The following ACYP2 variants were observed in gnomAD, a reference collection of about 807,000 sequenced individuals.
ACYP2 encodes the protein acylphosphatase 2, also known as acylphosphatase-2.
A neutral mutation model predicts 11.2 loss-of-function variants in ACYP2; 12 were observed. The observed-to-expected ratio is 1.08, with a 90% CI of 0.69 to 1.74. The LOEUF (loss-of-function observed/expected upper bound fraction) is 1.74. Ranked by LOEUF, ACYP2 falls within the 40% of genes most tolerant of loss-of-function variation. The pLI is 0.00. For missense variants in ACYP2, 134 were observed against 101.9 expected, an observed-to-expected ratio of 1.31 and a Z score of -1.35; for synonymous variants, 43 against 32.2, an observed-to-expected ratio of 1.33 and a Z score of -1.13.
chr2:53,978,924 A>C (rs1039021391), intron 2 of ACYP2, among the ~76,000 whole-genome samples: 2 of 152,194 alleles, frequency 1.3e-5, no homozygotes, highest in African/African-American at 4.8e-5. Context: ...CCTCATCTCA[A>C]ACTTAAAAAA....
At chr2:54,177,908 T>TA (rs1413534008) in intron 6 of ACYP2, among the ~76,000 whole-genome samples, 114 of 141,070 alleles carry the variant, frequency 8.1e-4, no homozygotes, top group Admixed American at 1.3e-3. Context: ...TTTCTTTATT[T>TA]TTTTTTTTTT....
intron 4 of ACYP2, among the ~76,000 whole-genome samples, chr2:54,121,766 G>T (rs2103742699): frequency 6.6e-6 from 1 of 152,282 alleles, no homozygotes; most frequent in Admixed American, 6.5e-5. Flanking sequence ...TAATCATTCT[G>T]CTTTCAGCTA....
chr2:54,282,638 A>T (rs1688899779), intron 6 of ACYP2, among the ~76,000 whole-genome samples: 2 of 152,206 alleles, frequency 1.3e-5, no homozygotes, highest in African/African-American at 4.8e-5. Context: ...GCCAACTACA[A>T]TGAACCACTC....
chr2:54,199,932 T>G (rs1028183839), intron 6 of ACYP2, among the ~76,000 whole-genome samples: 5 of 152,248 alleles, frequency 3.3e-5, no homozygotes, highest in African/African-American at 1.2e-4. Context: ...ATCCACCAAC[T>G]GTGTGCAGTG....
At chr2:54,120,620 T>C (rs1388677456) in intron 4 of ACYP2, among the ~76,000 whole-genome samples, 2 of 152,206 alleles carry the variant, frequency 1.3e-5, no homozygotes, top group African/African-American at 4.8e-5. Context: ...CCACGGCTAG[T>C]GGCACCTCTG....
chr2:54,234,555 G>A (rs1470603622), intron 6 of ACYP2, among the ~76,000 whole-genome samples: 1 of 152,234 alleles, frequency 6.6e-6, no homozygotes, highest in Non-Finnish European at 1.5e-5. Context: ...CCTACCAAGT[G>A]GAAAATTTGC....
At chr2:54,029,022 A>G (rs1465092722) in intron 2 of ACYP2, among the ~76,000 whole-genome samples, 1 of 152,106 alleles carries the variant, frequency 6.6e-6, no homozygotes, top group Non-Finnish European at 1.5e-5. Flanking sequence ...AAAATTAGCC[A>G]GGTATGGTGG....
chr2:54,137,340 G>A (rs777121045), intron 5 of ACYP2, among the ~76,000 whole-genome samples: 3 of 152,008 alleles, frequency 2.0e-5, no homozygotes, highest in African/African-American at 4.8e-5. Flanking sequence ...AGGTAAACTC[G>A]TGTCATGGGG....
At chr2:54,188,304 T>A (rs1684096865) in intron 6 of ACYP2, among the ~76,000 whole-genome samples, 1 of 152,114 alleles carries the variant, frequency 6.6e-6, no homozygotes, top group Non-Finnish European at 1.5e-5. Flanking sequence ...AACTAATACA[T>A]GGAGAAAAGA....
chr2:54,277,257 A>G, intron 6 of ACYP2, among the ~76,000 whole-genome samples: 1 of 152,214 alleles, frequency 6.6e-6, no homozygotes, highest in East Asian at 1.9e-4. Context: ...ATTCAGTGAC[A>G]AATAACTCTC....
chr2:54,218,453 A>G (rs1430659338), intron 6 of ACYP2, among the ~76,000 whole-genome samples: 1 of 152,228 alleles, frequency 6.6e-6, no homozygotes, highest in Admixed American at 6.5e-5. Flanking sequence ...AACAGGGATC[A>G]TATGTATTTA....
At chr2:54,304,027 T>C (rs1175071590) in intron 6 of ACYP2, among the ~76,000 whole-genome samples, 1 of 152,202 alleles carries the variant, frequency 6.6e-6, no homozygotes, top group East Asian at 1.9e-4. Context: ...AGATAAACCA[T>C]TGCACTAAAT....
Position 54,182,384 on chromosome 2 carries a change from C to T in ACYP2, c.404+43636C>T, listed in dbSNP as rs993058720. Among the ~76,000 whole-genome samples the T allele has an allele frequency of 3.9e-5, 6 of 152,006 alleles. No homozygotes were observed. In the East Asian group the frequency reaches 7.7e-4, roughly 20 times the overall value. On this transcript the variant is annotated intron_variant, in intron 6 of 6. Coordinates refer to ENST00000607452, the MANE Select transcript of ACYP2 (RefSeq NM_001320586.2). ...GTTGACAGAGTCTCACTCTGTTGCC[C>T]GGGCGGGAATACGGTTGCACAATCA...
chr2:54,009,702 G>C (rs1673260258), intron 2 of ACYP2, among the ~76,000 whole-genome samples: 1 of 152,160 alleles, frequency 6.6e-6, no homozygotes, highest in Admixed American at 6.6e-5. Flanking sequence ...AACAATGGAA[G>C]GGTCTTGTTT....
chr2:53,999,052 G>A (rs1672691558), intron 2 of ACYP2, among the ~76,000 whole-genome samples: 1 of 152,050 alleles, frequency 6.6e-6, no homozygotes, highest in African/African-American at 2.4e-5. Flanking sequence ...GTTGGGGAAG[G>A]GTAGGCAACT....
intron 6 of ACYP2, among the ~76,000 whole-genome samples, chr2:54,274,585 C>T (rs180888193): frequency 5.2e-5 from 7 of 133,808 alleles, no homozygotes; most frequent in African/African-American, 2.0e-4. Context: ...CATGGTCACA[C>T]CACTGCCCTC....
chr2:54,235,367 G>A (rs1686428554), intron 6 of ACYP2, among the ~76,000 whole-genome samples: 1 of 151,546 alleles, frequency 6.6e-6, no homozygotes, highest in Non-Finnish European at 1.5e-5. Context: ...GTTTTGTTTT[G>A]AGATGGAGTC....
intron 3 of ACYP2, among the ~76,000 whole-genome samples, chr2:54,053,528 G>C (rs1247950624): frequency 1.3e-5 from 2 of 152,168 alleles, no homozygotes; most frequent in South Asian, 4.1e-4. Context: ...GTGGCTCTGT[G>C]ACTCTCTCTG....
At chr2:54,174,886 A>T (rs900878256) in intron 6 of ACYP2, among the ~76,000 whole-genome samples, 10 of 152,232 alleles carry the variant, frequency 6.6e-5, no homozygotes, top group African/African-American at 2.4e-4. Flanking sequence ...AGCCTACTTG[A>T]TCGTGGTGGA....
Sources: gnomAD v4.1 joint callset for allele counts (sites outside exome capture counted in the v4.1 genomes callset) on GRCh38, gnomAD v4.1.1 for gene constraint, MANE v1.5 for transcripts, NCBI Gene and HGNC (gene_info 2026-07-23, HGNC 2026-07-21) for gene names.